Variants in ARHGAP26 observed in about 807,000 individuals in gnomAD.
ARHGAP26 encodes the protein rho GTPase-activating protein 26.
A neutral mutation model predicts 104.8 loss-of-function variants in ARHGAP26; 38 were observed. The ratio of observed to expected loss-of-function variants is 0.36; its 90% CI spans 0.28 to 0.48. ARHGAP26 has a LOEUF of 0.48. Ranked by LOEUF, ARHGAP26 falls within the 20% of genes least tolerant of loss-of-function variation. The pLI, the probability that ARHGAP26 is intolerant of heterozygous loss-of-function variation, is 0.99. For synonymous variants in ARHGAP26, 341 were observed against 340.0 expected (o/e 1.00, Z -0.03); for missense variants, 704 against 947.9 (o/e 0.74, Z 3.38).
At chr5:142,959,959 T>C (rs1769936107) in intron 11 of ARHGAP26, among the ~76,000 whole-genome samples, 1 of 152,200 alleles carries the variant, frequency 6.6e-6, no homozygotes, top group Non-Finnish European at 1.5e-5. Context: ...GGCAACTATA[T>C]GGGATTGGTC....
At chr5:143,221,444 AC>A (rs1311459202) in intron 22 of ARHGAP26, among the ~76,000 whole-genome samples, 38 of 144,978 alleles carry the variant, frequency 2.6e-4, no homozygotes, top group East Asian at 4.1e-4. Context: ...AAAAAAAAAA[AC>A]CCCAGAAAAT....
chr5:142,927,613 A>C (rs916439206), intron 10 of ARHGAP26, among the ~76,000 whole-genome samples: 4 of 152,242 alleles, frequency 2.6e-5, no homozygotes, highest in African/African-American at 9.6e-5. Flanking sequence ...ATTTTTGGCT[A>C]TTCTAAATAA....
At chr5:143,105,020 G>A (rs1793786743) in intron 17 of ARHGAP26, among the ~76,000 whole-genome samples, 1 of 151,920 alleles carries the variant, frequency 6.6e-6, no homozygotes, top group Non-Finnish European at 1.5e-5. Flanking sequence ...GAGAAAACAT[G>A]TATCTTTTTT....
At chr5:143,135,066 G>A (rs1361375052) in intron 19 of ARHGAP26, among the ~76,000 whole-genome samples, 2 of 152,240 alleles carry the variant, frequency 1.3e-5, no homozygotes, top group South Asian at 2.1e-4. Flanking sequence ...AAGGAAGGTA[G>A]ACAAGTGACT....
At chr5:143,119,573 G>A (rs926661904) in intron 17 of ARHGAP26, among the ~76,000 whole-genome samples, 2 of 152,166 alleles carry the variant, frequency 1.3e-5, no homozygotes, top group African/African-American at 2.4e-5. Context: ...GAAAACATAA[G>A]TAAAACCAGG....
chr5:143,124,139 A>G (rs1030972200), intron 18 of ARHGAP26, among the ~76,000 whole-genome samples: 3 of 152,216 alleles, frequency 2.0e-5, no homozygotes, highest in Non-Finnish European at 4.4e-5. Context: ...GGGCTAAAGT[A>G]TATACCCCCC....
At chr5:143,221,303 A>C (rs964889825) in intron 22 of ARHGAP26, among the ~76,000 whole-genome samples, 1 of 152,130 alleles carries the variant, frequency 6.6e-6, no homozygotes, top group South Asian at 2.1e-4. Flanking sequence ...GGAGGAAGAG[A>C]AGAATTTTCA....
At chr5:142,966,858 A>G (rs1771441739) in intron 11 of ARHGAP26, among the ~76,000 whole-genome samples, 1 of 152,280 alleles carries the variant, frequency 6.6e-6, no homozygotes, top group Admixed American at 6.5e-5. Flanking sequence ...GGCAATAAGT[A>G]AACTATGGTA....
chr5:143,149,548 G>T (rs1034781177), intron 20 of ARHGAP26, among the ~76,000 whole-genome samples: 6 of 152,164 alleles, frequency 3.9e-5, no homozygotes, highest in African/African-American at 1.4e-4. Context: ...TGTGGATCAT[G>T]CATGGCTGTT....
intron 5 of ARHGAP26, among the ~76,000 whole-genome samples, chr5:142,892,749 A>G (rs1340185443): frequency 6.6e-6 from 1 of 152,156 alleles, no homozygotes; most frequent in Non-Finnish European, 1.5e-5. Context: ...ATATATGCCT[A>G]TAATGTGTAA....
chr5:142,897,279 A>G (rs1437985440), intron 6 of ARHGAP26, among the ~76,000 whole-genome samples: 1 of 152,202 alleles, frequency 6.6e-6, no homozygotes, highest in Non-Finnish European at 1.5e-5. Flanking sequence ...ATGAAAAGAA[A>G]TTTTCAGTCT....
intron 17 of ARHGAP26, among the ~76,000 whole-genome samples, chr5:143,090,848 T>C (rs1035448538): frequency 6.6e-6 from 1 of 152,056 alleles, no homozygotes; most frequent in African/African-American, 2.4e-5. Context: ...GATACTGGGG[T>C]CTTTATCGAA....
At chr5:142,874,055 A>C (rs1237267002) in intron 2 of ARHGAP26, among the ~76,000 whole-genome samples, 1 of 152,160 alleles carries the variant, frequency 6.6e-6, no homozygotes, top group Non-Finnish European at 1.5e-5. Flanking sequence ...TGCGTCTGCC[A>C]CTGCCTTCAG....
chr5:142,773,038 T>C (rs1755561532), intron 1 of ARHGAP26, among the ~76,000 whole-genome samples: 1 of 152,152 alleles, frequency 6.6e-6, no homozygotes, highest in Non-Finnish European at 1.5e-5. Context: ...CGTCCAGCTC[T>C]GCTAATGTAT....
At chr5:143,128,262 A>G (rs1307711084) in intron 18 of ARHGAP26, among the ~76,000 whole-genome samples, 1 of 152,172 alleles carries the variant, frequency 6.6e-6, no homozygotes, top group African/African-American at 2.4e-5. Flanking sequence ...ATATTACTCA[A>G]ATAAAGGTGG....
intron 20 of ARHGAP26, among the ~76,000 whole-genome samples, chr5:143,165,619 A>G (rs1334840872): frequency 2.0e-5 from 3 of 152,148 alleles, no homozygotes; most frequent in Non-Finnish European, 4.4e-5. Flanking sequence ...TTACGTGGGT[A>G]TATTGTGTGA....
At chr5:143,053,096 C>T (rs1216162866) in intron 14 of ARHGAP26, among the ~76,000 whole-genome samples, 2 of 152,150 alleles carry the variant, frequency 1.3e-5, no homozygotes, top group East Asian at 1.9e-4. Context: ...TCTGGGTTGT[C>T]GGACTTTCAG....
chr5:143,149,223 G>A (rs759184970), intron 20 of ARHGAP26, among the ~76,000 whole-genome samples: 2 of 152,134 alleles, frequency 1.3e-5, no homozygotes, highest in Non-Finnish European at 2.9e-5. Flanking sequence ...TAACAGGAAC[G>A]GTTCTAATTG....
At position 142,770,810 on chromosome 5, in the gene ARHGAP26, C is replaced by T. The variant is rs1320877727; in HGVS notation, c.49C>T (p.His17Tyr). Reference protein sequence around the residue: ...EFSDCCLDSPHFRETLKSHEA... With the variant: ...EFSDCCLDSPYFRETLKSHEA... ...CAGCGACTGCTGCCTCGATAGTCCG[C>T]ACTTCCGAGAGACGCTCAAGTCGCA... The change falls in exon 1 of 23, where the codon CAC (histidine) becomes TAC (tyrosine). Residue 17 changes from histidine to tyrosine, a missense_variant. Physicochemically the swap from His to Tyr is moderately conservative, Grantham distance 83. Around this residue, in one of 6 missense-constraint regions of ARHGAP26, gnomAD observed 77 missense variants for 82.6 expected, o/e 0.93. Coordinates refer to ENST00000645722, the MANE Select transcript of ARHGAP26 (RefSeq NM_001135608.3). 30 of 1,605,114 alleles carry T rather than the reference C, an allele frequency of 1.9e-5. No homozygotes were observed. Among genetic ancestry groups the T allele is most frequent in the Non-Finnish European group, 2.5e-5 (29 of 1,175,876 alleles).
Sources: allele counts gnomAD v4.1 joint callset (sites outside exome capture counted in the v4.1 genomes callset), GRCh38; gene constraint gnomAD v4.1.1; regional missense constraint gnomAD v4.1.1; transcripts MANE v1.5; gene names NCBI Gene and HGNC (gene_info 2026-07-23, HGNC 2026-07-21).